ELF1: variants seen among roughly 807,000 people sequenced by gnomAD.
ELF1 encodes ETS-related transcription factor Elf-1.
In ELF1, 24 loss-of-function variants were observed where a neutral mutation model predicts 59.9. The observed-to-expected ratio is 0.40, with a 90% confidence interval of 0.29 to 0.56. The LOEUF is 0.56. Among genes scored for constraint, ELF1 ranks in the 20% least tolerant of loss-of-function variants. The pLI, the probability that ELF1 is intolerant of heterozygous loss-of-function variation, is 0.44. For synonymous variants in ELF1, 248 were observed against 266.2 expected, an observed-to-expected ratio of 0.93 and a Z score of 0.67; for missense variants, 627 against 742.2, an observed-to-expected ratio of 0.84 and a Z score of 1.80.
rs144651478 is a variant in ELF1, at chr13:40,988,361, A to T, written c.-228-6079T>A. On this transcript the variant is annotated intron_variant, in intron 1 of 8. Coordinates refer to ENST00000239882, the MANE Select transcript of ELF1 (RefSeq NM_172373.4). ...GGCAAAGAAAGCAAGAAAAGCCCAG[A>T]TTTCCTACTGGTACCTTTATATCTA... Among the ~76,000 whole-genome samples, 755 of 152,348 alleles carry T rather than the reference A, an allele frequency of 5.0e-3. 10 individuals carry two copies. The highest frequency in any genetic ancestry group is 0.017 in the African/African-American group (712 of 41,576).
chr13:40,973,472 CACTA>C (rs1368198450), intron 2 of ELF1, among the ~76,000 whole-genome samples: 1 of 152,138 alleles, frequency 6.6e-6, no homozygotes, highest in Non-Finnish European at 1.5e-5. Context: ...AGGCCAGTTA[CACTA>C]ACTGTTTATA....
intron 8 of ELF1, among the ~76,000 whole-genome samples, chr13:40,937,331 T>C (rs940086245): frequency 6.6e-6 from 1 of 152,244 alleles, no homozygotes; most frequent in South Asian, 2.1e-4. Context: ...GTTGAGGATC[T>C]ACTCAGGTGT....
chr13:40,933,869 T>G lies in ELF1; in HGVS notation c.1416A>C (p.Pro472=), dbSNP rs1287151815. The change falls in exon 9 of 9, where the codon CCA becomes CCC. Residue 472 remains proline (P), a synonymous_variant. Coordinates refer to ENST00000239882, the MANE Select transcript of ELF1 (RefSeq NM_172373.4). ...TCAGTACTGTCATGGGCTGTGATGA[T>G]GGAATGGCTTGTAAAATAAACTTCT... ...GSQKFILQAI[P]SSQPMTVLKE... 3 of 1,614,224 alleles carry G rather than the reference T, an allele frequency of 1.9e-6. No individual in the cohort carries two copies. The highest frequency in any genetic ancestry group is 1.7e-5 in the Admixed American group (1 of 60,030).
chr13:41,060,798 G>C (rs764572038), intron 1 of ELF1: 3 of 190,536 alleles, frequency 1.6e-5, no homozygotes, highest in Non-Finnish European at 3.4e-5. Flanking sequence ...CTAACCGCTA[G>C]ACCATATGGG....
At chr13:41,061,286 G>A in exon 1 of ELF1, 1 of 325,080 alleles carries the variant, frequency 3.1e-6, no homozygotes, top group Non-Finnish European at 5.9e-6. Flanking sequence ...AAGGAGGATG[G>A]AGGTTTTGGG....
rs1233197895 is a variant in ELF1 at position 41,060,904 on chromosome 13, A to AAGC, written c.-298_-296dup. On this transcript the variant is annotated 5_prime_UTR_variant, in exon 1 of 2. Coordinates refer to the ELF1 transcript ENST00000405737. ...CGCCACCGCCGCCTCTGCGCTACTGAAGCTGCTGCTGCCGCCGCCGCCGCC... is the reference window on the plus strand; with the variant it reads ...CGCCACCGCCGCCTCTGCGCTACTGAAGCAGCTGCTGCTGCCGCCGCCGCCGCC... The AAGC allele has an allele frequency of 9.2e-5, 28 of 303,190 alleles. 6 individuals are homozygous for AAGC. The East Asian group carries it at 2.3e-3, about 25-fold the overall frequency. The allele number at this position is 303,190 out of a possible 1,614,324, so 18.8% of individuals were successfully genotyped here. A position where few individuals can be genotyped will look rare whatever the true frequency, so the allele number is the denominator to read the frequency against.
intron 1 of ELF1, among the ~76,000 whole-genome samples, chr13:41,030,171 G>C (rs1212394827): frequency 1.3e-5 from 2 of 152,010 alleles, no homozygotes; most frequent in Non-Finnish European, 2.9e-5. Context: ...AAAAGATGAG[G>C]CATAACAACA....
At chr13:40,955,647 G>A (rs1432833705) in intron 3 of ELF1, among the ~76,000 whole-genome samples, 17 of 112,660 alleles carry the variant, frequency 1.5e-4, no homozygotes, top group Admixed American at 4.9e-4. Context: ...CCCTCTGCCC[G>A]GCCAGCCGCC....
At chr13:40,953,948 T>A (rs1463363073) in intron 3 of ELF1, among the ~76,000 whole-genome samples, 1 of 152,204 alleles carries the variant, frequency 6.6e-6, no homozygotes, top group Admixed American at 6.5e-5. Flanking sequence ...GAAACACTCC[T>A]TCCGGAAAGA....
chr13:41,059,208 G>A (rs1877401415), intron 1 of ELF1, among the ~76,000 whole-genome samples: 1 of 152,226 alleles, frequency 6.6e-6, no homozygotes, highest in Non-Finnish European at 1.5e-5. Flanking sequence ...AGTGATACGT[G>A]TTATCAAAAA....
At chr13:40,982,356 C>A in intron 1 of ELF1, 74 bp from the exon 2 acceptor site, 7 of 1,015,860 alleles carry the variant, frequency 6.9e-6, no homozygotes, top group Non-Finnish European at 8.5e-6. Context: ...ATACAGAGGG[C>A]AGTATCGCTA....
chr13:40,962,985 A>G (rs1871940101), intron 2 of ELF1, among the ~76,000 whole-genome samples: 1 of 152,234 alleles, frequency 6.6e-6, no homozygotes, highest in Non-Finnish European at 1.5e-5. Flanking sequence ...AGTAGCATGC[A>G]CTGTGGCCAC....
Position 41,057,439 on chromosome 13 carries a change from G to A in ELF1, c.-229+3399C>T, listed in dbSNP as rs938525472. ...GATGGAGTCTCTCTCTGTCTCCAAG[G>A]CTGGAGTGCAGTGGCACGATCCTGA... On this transcript the variant is annotated intron_variant, in intron 1 of 1. Coordinates refer to the ELF1 transcript ENST00000405737. Among the ~76,000 whole-genome samples the A allele has an allele frequency of 7.4e-4, 112 of 151,326 alleles. 3 individuals are homozygous for A. The highest frequency in any genetic ancestry group is 7.4e-3 in the Admixed American group (112 of 15,186).
chr13:41,048,789 A>T (rs995994383), intron 1 of ELF1, among the ~76,000 whole-genome samples: 5 of 151,232 alleles, frequency 3.3e-5, no homozygotes, highest in African/African-American at 9.7e-5. Flanking sequence ...CACACACCGC[A>T]ACCCCAACTA....
intron 1 of ELF1, among the ~76,000 whole-genome samples, chr13:41,035,966 G>C (rs983562608): frequency 6.6e-6 from 1 of 150,576 alleles, no homozygotes; most frequent in South Asian, 2.1e-4. Context: ...GTGCAGTGGC[G>C]CAATCTCGGC....
chr13:41,015,929 A>T (rs1875332037), intron 1 of ELF1, among the ~76,000 whole-genome samples: 1 of 147,506 alleles, frequency 6.8e-6, no homozygotes, highest in Non-Finnish European at 1.5e-5. Context: ...ACAGAAAAAC[A>T]GAATAAAACC....
chr13:41,045,643 G>GAC (rs1332316005), intron 1 of ELF1, among the ~76,000 whole-genome samples: 1 of 152,214 alleles, frequency 6.6e-6, no homozygotes, highest in African/African-American at 2.4e-5. Context: ...TGGTCTGAGA[G>GAC]ACAGTTTGTT....
intron 1 of ELF1, among the ~76,000 whole-genome samples, chr13:41,056,021 T>TA (rs1230778828): frequency 6.6e-6 from 1 of 152,218 alleles, no homozygotes; most frequent in Non-Finnish European, 1.5e-5. Context: ...AGATAAAACT[T>TA]ACATATCATG....
At chr13:41,053,558 C>T (rs1019403061) in intron 1 of ELF1, among the ~76,000 whole-genome samples, 1 of 152,094 alleles carries the variant, frequency 6.6e-6, no homozygotes, top group Admixed American at 6.5e-5. Context: ...GCTGCTTCAA[C>T]CCACTTCTGC....
Sources: allele counts gnomAD v4.1 joint callset (sites outside exome capture counted in the v4.1 genomes callset), GRCh38; gene constraint gnomAD v4.1.1; transcripts MANE v1.5; gene names NCBI Gene and HGNC (gene_info 2026-07-23, HGNC 2026-07-21).